The following TMEM255B variants were observed in gnomAD, a reference collection of about 807,000 sequenced individuals.
The protein encoded by TMEM255B is family with sequence similarity 70, member B.
A neutral mutation model predicts 34.5 loss-of-function variants in TMEM255B; 35 were observed. The observed-to-expected ratio is 1.01, with a 90% CI of 0.77 to 1.34. TMEM255B has a LOEUF of 1.34. Ranked by LOEUF, TMEM255B falls within the 40% of genes most tolerant of loss-of-function variation. The pLI is 0.00. For missense variants in TMEM255B, 432 were observed against 433.2 expected (o/e 1.00, Z 0.02); for synonymous variants, 206 against 201.2 (o/e 1.02, Z -0.20).
intron 3 of TMEM255B, among the ~76,000 whole-genome samples, chr13:113,793,009 C>G (rs1207669340): frequency 6.6e-6 from 1 of 152,254 alleles, no homozygotes; most frequent in Non-Finnish European, 1.5e-5. Context: ...CCCAGCACCT[C>G]CCTTTCCAGA....
At chr13:113,795,904 C>T (rs2050919663) in intron 4 of TMEM255B, among the ~76,000 whole-genome samples, 1 of 137,486 alleles carries the variant, frequency 7.3e-6, no homozygotes, top group Non-Finnish European at 1.6e-5. Context: ...ACAGCACACA[C>T]ACAACACAGC....
At chr13:113,778,967 A>T (rs921934417) in intron 3 of TMEM255B, among the ~76,000 whole-genome samples, 8 of 152,330 alleles carry the variant, frequency 5.3e-5, no homozygotes, top group Admixed American at 3.9e-4. Flanking sequence ...TAAACCCTAG[A>T]GGGGCTTCGG....
chr13:113,769,135 A>G lies in TMEM255B; in HGVS notation c.227A>G (p.Asn76Ser). 6.2e-7 allele frequency: 1 copy of G among 1,614,190 alleles called. No homozygotes were observed. Among genetic ancestry groups the G allele is most frequent in the Non-Finnish European group, 8.5e-7 (1 of 1,180,014 alleles). The change falls in exon 3 of 9, where the codon AAC (asparagine) becomes AGC (serine). Residue 76 changes from asparagine (N) to serine (S), a missense_variant. Physicochemically the swap from Asn to Ser is conservative, Grantham distance 46. Coordinates refer to ENST00000375353, the MANE Select transcript of TMEM255B (RefSeq NM_182614.4). This position sits in a 1 kb window ranked among gnomAD's most constrained non-coding sequence, Gnocchi z 4.2. ...TCTTTCTTAGGAATTATTGGCATCA[A>G]CTTGGTGGAGAATAGAAGGCAAATG... Reference protein sequence around the residue: ...FGSFLGIIGINLVENRRQMLV... With the variant: ...FGSFLGIIGISLVENRRQMLV...
intron 6 of TMEM255B, 21 bp from the exon 7 acceptor site, chr13:113,801,632 C>T: frequency 6.4e-7 from 1 of 1,572,996 alleles, no homozygotes. Context: ...GCGGTGACGC[C>T]ATGGTGCCCT....
chr13:113,810,328 C>A (rs9604469), intron 8 of TMEM255B, among the ~76,000 whole-genome samples: 13,471 of 152,064 alleles, frequency 0.089, 695 homozygotes, highest in Admixed American at 0.14. Flanking sequence ...ATTAGAAGTT[C>A]CCCCTAGAAT....
intron 3 of TMEM255B, among the ~76,000 whole-genome samples, chr13:113,783,878 G>T (rs1482086181): frequency 2.0e-5 from 3 of 152,260 alleles, no homozygotes; most frequent in African/African-American, 4.8e-5. Flanking sequence ...AGGAAGGGAA[G>T]ACCTGGGGAG....
At chr13:113,796,500 AC>A in intron 4 of TMEM255B, among the ~76,000 whole-genome samples, 1 of 149,424 alleles carries the variant, frequency 6.7e-6, no homozygotes. Flanking sequence ...CACTACACAC[AC>A]CACACAGAGC....
intron 3 of TMEM255B, among the ~76,000 whole-genome samples, chr13:113,779,381 C>T (rs758799724): frequency 6.6e-6 from 1 of 152,154 alleles, no homozygotes; most frequent in African/African-American, 2.4e-5. Flanking sequence ...GCACTGAATG[C>T]AGCACTGGAC....
intron 5 of TMEM255B, chr13:113,800,063 CGTGTGT>C: frequency 9.4e-7 from 1 of 1,065,898 alleles, no homozygotes; most frequent in Non-Finnish European, 1.2e-6. Flanking sequence ...CGGGAGGCAT[CGTGTGT>C]GTGTGTGTGT....
intron 7 of TMEM255B, among the ~76,000 whole-genome samples, chr13:113,802,596 G>A (rs1056976617): frequency 1.5e-5 from 2 of 136,486 alleles, no homozygotes; most frequent in South Asian, 2.2e-4. Flanking sequence ...CCGGCCCAGC[G>A]AGGCAGCGAA....
Position 113,770,895 on chromosome 13 carries a change from A to G in TMEM255B, c.252+1735A>G, listed in dbSNP as rs1247312420. 1.3e-5 allele frequency among the ~76,000 whole-genome samples: 2 copies of G among 152,034 alleles called. No individual in the cohort carries two copies. Among genetic ancestry groups the G allele is most frequent in the Non-Finnish European group, 2.9e-5 (2 of 67,998 alleles). The stretch of plus-strand genomic sequence containing the variant: ...GGCCTCCTGAAGACTTTTCCATAAG[A>G]TTTCCCCAAAGAGGCAGAAGCTGGG... On this transcript the variant is annotated intron_variant, in intron 3 of 8. Transcript: ENST00000375353. The surrounding 1 kb of genome is among the most constrained non-coding windows in gnomAD (Gnocchi z 4.6).
At chr13:113,785,453 C>T (rs2050726248) in intron 3 of TMEM255B, among the ~76,000 whole-genome samples, 1 of 152,224 alleles carries the variant, frequency 6.6e-6, no homozygotes, top group Non-Finnish European at 1.5e-5. Flanking sequence ...GCACTAGGGT[C>T]TCATGTTTGC....
chr13:113,801,879 G>T, intron 7 of TMEM255B, 67 bp downstream of exon 7: 8 of 1,470,958 alleles, frequency 5.4e-6, no homozygotes, highest in Non-Finnish European at 6.3e-6. Flanking sequence ...TTTCCCCGGG[G>T]TGGGCTGGGG....
chr13:113,792,933 A>G (rs1272872636), intron 3 of TMEM255B, among the ~76,000 whole-genome samples: 1 of 152,234 alleles, frequency 6.6e-6, no homozygotes, highest in Non-Finnish European at 1.5e-5. Flanking sequence ...CTGCGCCTGC[A>G]GCACCAGGCT....
At chr13:113,795,937 C>G (rs2050921193) in intron 4 of TMEM255B, among the ~76,000 whole-genome samples, 2 of 139,656 alleles carry the variant, frequency 1.4e-5, no homozygotes, top group African/African-American at 5.4e-5. Context: ...CCACACAACA[C>G]ACAGAGCACA....
intron 4 of TMEM255B, 44 bp downstream of exon 4, chr13:113,795,281 A>C (rs751519498): frequency 6.3e-7 from 1 of 1,581,252 alleles, no homozygotes; most frequent in Non-Finnish European, 8.7e-7. Flanking sequence ...TCCGGGGCTG[A>C]AAGAGTCGAC....
intron 5 of TMEM255B, among the ~76,000 whole-genome samples, chr13:113,800,343 T>TGTGTGTGTGTGTGTGTG (rs1555367611): frequency 2.8e-5 from 2 of 72,206 alleles, no homozygotes; most frequent in Non-Finnish European, 5.6e-5. Context: ...GTGTGTGTGT[T>TGTGTGTGTGTGTGTGTG]GGGGGGTGTC....
At chr13:113,802,455 G>A (rs2051083055) in intron 7 of TMEM255B, among the ~76,000 whole-genome samples, 1 of 152,214 alleles carries the variant, frequency 6.6e-6, no homozygotes. Flanking sequence ...TAAGGGATGG[G>A]CAGCCAGGAG....
At chr13:113,808,931 G>A (rs1380084508) in intron 8 of TMEM255B, among the ~76,000 whole-genome samples, 2 of 149,970 alleles carry the variant, frequency 1.3e-5, no homozygotes, top group African/African-American at 4.9e-5. Flanking sequence ...TGGTTCTTGG[G>A]GATTTATGCT....
Sources: allele counts gnomAD v4.1 joint callset (sites outside exome capture counted in the v4.1 genomes callset), GRCh38; gene constraint gnomAD v4.1.1; non-coding constraint Gnocchi (gnomAD v3.1); transcripts MANE v1.5; gene names NCBI Gene and HGNC (gene_info 2026-07-23, HGNC 2026-07-21).